The following CPA6 variants were observed in gnomAD, a reference collection of about 807,000 sequenced individuals.
CPA6 encodes the protein carboxypeptidase B.
A neutral mutation model predicts 63.3 loss-of-function variants in CPA6; 58 were observed. The observed-to-expected ratio is 0.92, with a 90% CI of 0.74 to 1.14. The LOEUF is 1.14. Among genes scored for constraint, CPA6 ranks in the 50% most tolerant of loss-of-function variants. The pLI, the probability that CPA6 is intolerant of heterozygous loss-of-function variation, is 0.00. For synonymous variants in CPA6, 185 were observed against 179.0 expected (o/e 1.03, Z -0.27); for missense variants, 565 against 526.6 (o/e 1.07, Z -0.71).
intron 8 of CPA6, among the ~76,000 whole-genome samples, chr8:67,456,162 T>G (rs1810673598): frequency 6.6e-6 from 1 of 152,346 alleles, no homozygotes. Flanking sequence ...ATAACCGTTG[T>G]GTAACTTAAT....
intron 2 of CPA6, among the ~76,000 whole-genome samples, chr8:67,567,050 G>T (rs1395729657): frequency 6.6e-6 from 1 of 152,198 alleles, no homozygotes; most frequent in Non-Finnish European, 1.5e-5. Context: ...TTTATCAGTT[G>T]GCACTTGGAC....
At chr8:67,607,467 C>CT (rs1219141971) in intron 2 of CPA6, among the ~76,000 whole-genome samples, 2 of 151,758 alleles carry the variant, frequency 1.3e-5, no homozygotes, top group Admixed American at 6.6e-5. Flanking sequence ...CATCTTTAGT[C>CT]TTTTTTTGTG....
intron 2 of CPA6, among the ~76,000 whole-genome samples, chr8:67,558,307 A>C (rs1341298922): frequency 6.6e-6 from 1 of 151,938 alleles, no homozygotes; most frequent in Non-Finnish European, 1.5e-5. Context: ...TAATCCGTTT[A>C]TTTCTTTCGT....
chr8:67,601,511 T>C (rs1814496211), intron 2 of CPA6, among the ~76,000 whole-genome samples: 1 of 152,178 alleles, frequency 6.6e-6, no homozygotes, highest in African/African-American at 2.4e-5. Flanking sequence ...GCAATGGTCA[T>C]GGCTAATGGG....
At chr8:67,522,656 C>T (rs1465756188) in intron 2 of CPA6, among the ~76,000 whole-genome samples, 3 of 152,222 alleles carry the variant, frequency 2.0e-5, no homozygotes, top group Non-Finnish European at 4.4e-5. Context: ...GGGGCTCAGA[C>T]CTTGGGACTC....
At chr8:67,673,491 C>A (rs936665548) in intron 1 of CPA6, among the ~76,000 whole-genome samples, 2 of 150,544 alleles carry the variant, frequency 1.3e-5, no homozygotes, top group African/African-American at 4.9e-5. Context: ...TCATGCCGTT[C>A]TCCTGCCTCA....
At chr8:67,586,876 G>GTT (rs531593702) in intron 2 of CPA6, among the ~76,000 whole-genome samples, 2 of 152,244 alleles carry the variant, frequency 1.3e-5, no homozygotes, top group African/African-American at 4.8e-5. Context: ...GTAGGCTGTG[G>GTT]GTAACCATGT....
At chr8:67,515,394 C>T (rs1483372990) in intron 3 of CPA6, among the ~76,000 whole-genome samples, 1 of 152,128 alleles carries the variant, frequency 6.6e-6, no homozygotes, top group African/African-American at 2.4e-5. Context: ...ATTCTCTAGC[C>T]TCTTCAGGGA....
chr8:67,472,495 G>C (rs544476109), intron 8 of CPA6, among the ~76,000 whole-genome samples: 7 of 151,860 alleles, frequency 4.6e-5, no homozygotes, highest in Non-Finnish European at 7.4e-5. Flanking sequence ...CACAGCCTGG[G>C]CTCAGTGCAA....
At chr8:67,623,107 A>G (rs1244564598) in intron 2 of CPA6, among the ~76,000 whole-genome samples, 1 of 152,234 alleles carries the variant, frequency 6.6e-6, no homozygotes, top group Non-Finnish European at 1.5e-5. Context: ...AAAACTAATT[A>G]ACTTGAATTT....
chr8:67,651,972 T>C (rs561601066), intron 1 of CPA6, among the ~76,000 whole-genome samples: 1 of 148,500 alleles, frequency 6.7e-6, no homozygotes, highest in East Asian at 2.1e-4. Context: ...AATTCCCACC[T>C]ATGAGTGAGA....
At chr8:67,458,534 T>C (rs1052605149) in intron 8 of CPA6, among the ~76,000 whole-genome samples, 1 of 152,044 alleles carries the variant, frequency 6.6e-6, no homozygotes, top group Non-Finnish European at 1.5e-5. Flanking sequence ...AAAGGCACAA[T>C]CCATGAAAGA....
At chr8:67,617,955 G>C (rs559236254) in intron 2 of CPA6, among the ~76,000 whole-genome samples, 1 of 152,336 alleles carries the variant, frequency 6.6e-6, no homozygotes, top group South Asian at 2.1e-4. Flanking sequence ...GCAGGAGTGA[G>C]TAGTCTGAGT....
In CPA6 at chr8:67,484,729, A is replaced by G. The variant is rs1452811875; in HGVS notation, c.697T>C (p.Tyr233His). The G allele has an allele frequency of 6.2e-7, 1 of 1,611,130 alleles. No homozygotes were observed. The highest frequency in any genetic ancestry group is 8.5e-7 in the Non-Finnish European group (1 of 1,177,466). Residue 233 changes from tyrosine (Y) to histidine (H), a missense_variant, in exon 7 of 11, where the codon TAT (tyrosine) becomes CAT (histidine). Coordinates refer to ENST00000297770, the MANE Select transcript of CPA6 (RefSeq NM_020361.5). ...TCGACGTTAAACACAGGCATGATAT[A>G]GAAATATAGATGATTCAACATTTTT... ...MRKMLNHLYF[Y>H]IMPVFNVDGY...
intron 6 of CPA6, among the ~76,000 whole-genome samples, chr8:67,495,921 A>C (rs1811701068): frequency 6.6e-6 from 1 of 152,196 alleles, no homozygotes; most frequent in Non-Finnish European, 1.5e-5. Flanking sequence ...TAATTTTTCA[A>C]GCAGCATTAT....
At chr8:67,633,574 G>A (rs1242734614) in intron 1 of CPA6, among the ~76,000 whole-genome samples, 1 of 151,872 alleles carries the variant, frequency 6.6e-6, no homozygotes, top group Non-Finnish European at 1.5e-5. Flanking sequence ...CCAGCTACTC[G>A]GGAGGCTGAG....
At chr8:67,438,601 T>G (rs1286581148) in intron 8 of CPA6, among the ~76,000 whole-genome samples, 3 of 152,044 alleles carry the variant, frequency 2.0e-5, no homozygotes, top group Non-Finnish European at 4.4e-5. Flanking sequence ...AAATAATGAG[T>G]AACTCCAGAG....
At chr8:67,523,824 G>A (rs1367990523) in intron 2 of CPA6, among the ~76,000 whole-genome samples, 1 of 152,226 alleles carries the variant, frequency 6.6e-6, no homozygotes, top group Admixed American at 6.5e-5. Context: ...ATACACAGAT[G>A]TGGGAAGATG....
intron 2 of CPA6, among the ~76,000 whole-genome samples, chr8:67,621,274 A>T (rs1815075401): frequency 6.6e-6 from 1 of 152,094 alleles, no homozygotes. Flanking sequence ...GCTGTGACCG[A>T]TCATAGCTGT....
Sources: allele counts gnomAD v4.1 joint callset (sites outside exome capture counted in the v4.1 genomes callset), GRCh38; gene constraint gnomAD v4.1.1; transcripts MANE v1.5; gene names NCBI Gene and HGNC (gene_info 2026-07-23, HGNC 2026-07-21).